The following NPHP3 variants were observed in gnomAD, a reference collection of about 807,000 sequenced individuals.
NPHP3 encodes nephrocystin-3.
Under a neutral mutation model 171.9 loss-of-function variants are expected in NPHP3, and 123 were observed. The observed-to-expected ratio is 0.72, with a 90% CI of 0.62 to 0.83. NPHP3 has a LOEUF of 0.83. Ranked by LOEUF, NPHP3 falls within the 40% of genes least tolerant of loss-of-function variation. NPHP3 has a pLI of 0.00. For missense variants in NPHP3, 1,506 were observed against 1,591.9 expected, an observed-to-expected ratio of 0.95 and a Z score of 0.92; for synonymous variants, 558 against 579.2, an observed-to-expected ratio of 0.96 and a Z score of 0.52.
chr3:132,689,342 T>G, intron 19 of NPHP3, 79 bp from the exon 20 acceptor site: 1 of 1,457,292 alleles, frequency 6.9e-7, no homozygotes. Flanking sequence ...AGAATTAATA[T>G]CAAGTTATTG....
intron 25 of NPHP3, 66 bp downstream of exon 25, chr3:132,683,333 C>T: frequency 7.2e-7 from 1 of 1,386,484 alleles, no homozygotes; most frequent in Non-Finnish European, 1.0e-6. Context: ...CTATCTAATT[C>T]ATGTTTACCT....
In NPHP3 at chr3:132,719,848, G is replaced by C. The variant is rs886038737; in HGVS notation, c.394-18C>G. ...TGAAGTGCCTAGAATAATTTACCTT[G>C]TTATTTCCTAACAAAAATAGTCTTG... On this transcript the variant is annotated intron_variant, in intron 1 of 26. Transcript: ENST00000337331. 3.9e-6 allele frequency: 6 copies of C among 1,540,578 alleles called. No homozygotes were observed. In the African/African-American group the frequency reaches 8.2e-5, roughly 21 times the overall value.
intron 9 of NPHP3, 121 bp from the exon 10 acceptor site, chr3:132,701,654 T>A (rs1168884928): frequency 1.6e-5 from 12 of 729,736 alleles, no homozygotes; most frequent in Non-Finnish European, 2.9e-5. Context: ...ATGAAATCTA[T>A]TTTTAGTGAC....
chr3:132,691,077 T>G lies in NPHP3; in HGVS notation c.2570+115A>C. 4 of 848,876 alleles carry G rather than the reference T, an allele frequency of 4.7e-6. No individual in the cohort carries two copies. The Admixed American group carries it at 6.9e-5, about 15-fold the overall frequency. The allele number at this position is 848,876 out of a possible 1,614,324, so 52.6% of individuals were successfully genotyped here. A position where few individuals can be genotyped will look rare whatever the true frequency, so the allele number is the denominator to read the frequency against. On this transcript the variant is annotated intron_variant, in intron 18 of 26. Transcript: ENST00000337331. Reference sequence around the variant, plus strand: ...ACAGAATAGGGAGAGGATTTAATCTTTTTTGTAATAATTAAGTTTTTGTAC... The same window carrying G: ...ACAGAATAGGGAGAGGATTTAATCTGTTTTGTAATAATTAAGTTTTTGTAC...
intron 4 of NPHP3, 47 bp downstream of exon 4, chr3:132,716,710 A>G: frequency 1.3e-6 from 2 of 1,588,030 alleles, no homozygotes; most frequent in Non-Finnish European, 8.6e-7. Flanking sequence ...ATAAAACATG[A>G]ACAGTCACTA....
intron 6 of NPHP3, among the ~76,000 whole-genome samples, chr3:132,709,850 C>T (rs1284886806): frequency 6.6e-6 from 1 of 152,214 alleles, no homozygotes; most frequent in Non-Finnish European, 1.5e-5. Flanking sequence ...TAAAATCACT[C>T]TGGCCATGTT....
chr3:132,699,888 T>C (rs1323668146), intron 12 of NPHP3, 30 bp downstream of exon 12: 16 of 1,610,650 alleles, frequency 9.9e-6, no homozygotes, highest in Non-Finnish European at 1.4e-5. Context: ...TTTCTGAGCA[T>C]ATCAATAGGT....
chr3:132,721,550 C>T (rs529320764), intron 1 of NPHP3: 4 of 318,970 alleles, frequency 1.3e-5, no homozygotes, highest in Non-Finnish European at 1.9e-5. Flanking sequence ...GGGGTGGGCG[C>T]GGGGGCGGCA....
intron 5 of NPHP3, 127 bp downstream of exon 5, chr3:132,714,958 T>C: frequency 2.7e-6 from 2 of 739,584 alleles, no homozygotes; most frequent in Middle Eastern, 7.8e-4. Context: ...CCCAAGACGC[T>C]TCCTGTTCTT....
intron 6 of NPHP3, among the ~76,000 whole-genome samples, chr3:132,709,264 T>G (rs1939841105): frequency 6.7e-6 from 1 of 148,602 alleles, no homozygotes; most frequent in African/African-American, 2.5e-5. Flanking sequence ...CCTTCTTTCT[T>G]TCTCTCCCTT....
chr3:132,716,987 A>G, intron 3 of NPHP3, 78 bp from the exon 4 acceptor site: 2 of 1,375,476 alleles, frequency 1.5e-6, no homozygotes, highest in Non-Finnish European at 2.0e-6. Flanking sequence ...ACCGAACAGG[A>G]TTGCTGATTT....
chr3:132,717,182 G>A (rs908629826), intron 3 of NPHP3: 5 of 363,076 alleles, frequency 1.4e-5, no homozygotes, highest in East Asian at 5.8e-5. Context: ...ATAATAAGAA[G>A]GAAGTTAAAA....
At chr3:132,712,246 C>A (rs147025512) in intron 6 of NPHP3, among the ~76,000 whole-genome samples, 1 of 152,174 alleles carries the variant, frequency 6.6e-6, no homozygotes, top group African/African-American at 2.4e-5. Flanking sequence ...AACACCTACA[C>A]AAGTGATCAA....
intron 21 of NPHP3, among the ~76,000 whole-genome samples, chr3:132,688,149 T>G (rs530607400): frequency 6.6e-6 from 1 of 152,340 alleles, no homozygotes; most frequent in Non-Finnish European, 1.5e-5. Flanking sequence ...TGACCTCAAG[T>G]GATGGGTCAA....
At chr3:132,708,966 AG>A (rs1939830786) in intron 6 of NPHP3, among the ~76,000 whole-genome samples, 1 of 152,196 alleles carries the variant, frequency 6.6e-6, no homozygotes, top group Non-Finnish European at 1.5e-5. Flanking sequence ...CCTATGTAGA[AG>A]GAGAGGTGCT....
Position 132,699,927 on chromosome 3 carries a change from A to G in NPHP3, c.1878T>C (p.Asp626=), listed in dbSNP as rs778886651. 1.2e-6 allele frequency: 2 copies of G among 1,614,184 alleles called. No homozygotes were observed. Among genetic ancestry groups the G allele is most frequent in the Non-Finnish European group, 1.7e-6 (2 of 1,180,022 alleles). ...AAATGGAAAACGGTACCTGAACTTG[A>G]TCTATAGAATCAATAACGATGATGA... ...GSIIIVIDSI[D]QVQQVEKHMK... Residue 626 remains aspartate (D), a synonymous_variant, in exon 12 of 27, where the codon GAT becomes GAC. Transcript: ENST00000337331.
chr3:132,696,906 G>A (rs1288597954), intron 14 of NPHP3, 93 bp from the exon 15 acceptor site: 10 of 969,096 alleles, frequency 1.0e-5, no homozygotes, highest in Admixed American at 1.8e-5. Context: ...CAAGTACCCC[G>A]ACAGAAATAA....
intron 9 of NPHP3, among the ~76,000 whole-genome samples, chr3:132,703,142 A>G (rs1576674829): frequency 6.6e-6 from 1 of 152,268 alleles, no homozygotes; most frequent in East Asian, 1.9e-4. Flanking sequence ...AATCCTTGCA[A>G]CAAGTACCTA....
At chr3:132,719,913 T>C (rs1940161627) in intron 1 of NPHP3, 83 bp from the exon 2 acceptor site, 2 of 510,588 alleles carry the variant, frequency 3.9e-6, no homozygotes, top group Admixed American at 4.6e-5. Flanking sequence ...CATATATATA[T>C]ATATATGTTA....
Sources: gnomAD v4.1 joint callset for allele counts (sites outside exome capture counted in the v4.1 genomes callset) on GRCh38, gnomAD v4.1.1 for gene constraint, MANE v1.5 for transcripts, NCBI Gene and HGNC (gene_info 2026-07-23, HGNC 2026-07-21) for gene names.